Variants in FAM120A observed in about 807,000 individuals in gnomAD.
FAM120A encodes the protein constitutive coactivator of PPAR-gamma-like protein 1.
A neutral mutation model predicts 109.7 loss-of-function variants in FAM120A; 15 were observed. The ratio of observed to expected loss-of-function variants is 0.14; its 90% CI spans 0.09 to 0.21. The LOEUF is 0.21. Ranked by LOEUF, FAM120A falls within the 10% of genes least tolerant of loss-of-function variation. The probability of loss-of-function intolerance (pLI) is 1.00; values close to 1 mark genes in which losing one functional copy is unlikely to be tolerated. For synonymous variants in FAM120A, 493 were observed against 572.8 expected (o/e 0.86, Z 1.99); for missense variants, 899 against 1,439.3 (o/e 0.62, Z 6.07).
At chr9:93,454,210 AT>A (rs1419441647) in intron 1 of FAM120A, among the ~76,000 whole-genome samples, 1 of 152,170 alleles carries the variant, frequency 6.6e-6, no homozygotes, top group African/African-American at 2.4e-5. Flanking sequence ...TTTTGTCTGT[AT>A]TTTGCTTTTG....
chr9:93,507,149 T>G (rs1357754178), intron 5 of FAM120A, among the ~76,000 whole-genome samples: 1 of 151,600 alleles, frequency 6.6e-6, no homozygotes, highest in Non-Finnish European at 1.5e-5. Flanking sequence ...GGGAAAGGAG[T>G]GGGAAACTCT....
intron 10 of FAM120A, among the ~76,000 whole-genome samples, chr9:93,535,180 A>G (rs1861469303): frequency 6.6e-6 from 1 of 152,228 alleles, no homozygotes; most frequent in South Asian, 2.1e-4. Context: ...GTGCGTCAGA[A>G]AATTAAACTT....
intron 8 of FAM120A, among the ~76,000 whole-genome samples, chr9:93,527,611 T>G (rs1861143302): frequency 7.4e-6 from 1 of 134,418 alleles, no homozygotes; most frequent in Non-Finnish European, 1.6e-5. Flanking sequence ...ATTTTTGTAT[T>G]TAATTTTTTT....
At chr9:93,523,554 CATT>C (rs1325565383) in intron 7 of FAM120A, among the ~76,000 whole-genome samples, 1 of 152,280 alleles carries the variant, frequency 6.6e-6, no homozygotes, top group East Asian at 1.9e-4. Context: ...TGATCTATAT[CATT>C]ACGTTGTGTT....
chr9:93,558,605 A>T lies in FAM120A; in HGVS notation c.2693A>T (p.Tyr898Phe), dbSNP rs778720646. ...GGCGTCTGTGGCTTTGGAGGCCCCT[A>T]TGGGGAAACGGTAGCAACAGGCCCT... Reference protein sequence around the residue: ...FAGVCGFGGPYGETVATGPYR... With the variant: ...FAGVCGFGGPFGETVATGPYR... The change falls in exon 15 of 18, where the codon TAT becomes TTT. Residue 898 changes from tyrosine to phenylalanine, a missense_variant. Physicochemically the swap from Tyr to Phe is conservative, Grantham distance 22 (BLOSUM62 3). Around this residue, in one of 11 missense-constraint regions of FAM120A, gnomAD observed 129 missense variants for 153.4 expected, o/e 0.84. Coordinates refer to ENST00000277165, the MANE Select transcript of FAM120A (RefSeq NM_014612.5). 2 of 1,614,124 alleles carry T rather than the reference A, an allele frequency of 1.2e-6. No individual in the cohort carries two copies. Among genetic ancestry groups the T allele is most frequent in the Admixed American group, 1.7e-5 (1 of 60,028 alleles).
chr9:93,455,633 G>A (rs568638248), intron 1 of FAM120A, among the ~76,000 whole-genome samples: 4 of 152,132 alleles, frequency 2.6e-5, no homozygotes, highest in South Asian at 4.2e-4. Flanking sequence ...ATTGGCAGAG[G>A]GGCATAATTT....
At chr9:93,529,237 C>A in intron 8 of FAM120A, 116 bp from the exon 9 acceptor site, 2 of 899,836 alleles carry the variant, frequency 2.2e-6, no homozygotes, top group Non-Finnish European at 1.6e-6. Context: ...CTCTCTAAGA[C>A]AGGACTCATC....
chr9:93,507,938 G>A (rs1860138995), intron 5 of FAM120A, among the ~76,000 whole-genome samples: 1 of 152,146 alleles, frequency 6.6e-6, no homozygotes, highest in Non-Finnish European at 1.5e-5. Context: ...ATAAAGGGGT[G>A]GGGCTTTGAA....
chr9:93,553,002 C>T (rs1022318495), intron 12 of FAM120A, among the ~76,000 whole-genome samples: 1 of 152,194 alleles, frequency 6.6e-6, no homozygotes, highest in Non-Finnish European at 1.5e-5. Context: ...TGGGACAAGA[C>T]ATTGAAACCA....
chr9:93,454,412 T>TG (rs1307166329), intron 1 of FAM120A, among the ~76,000 whole-genome samples: 1 of 151,752 alleles, frequency 6.6e-6, no homozygotes, highest in Non-Finnish European at 1.5e-5. Context: ...TACAGTGATG[T>TG]GGGGGGTTGG....
At chr9:93,555,466 C>CA (rs1446751385) in intron 12 of FAM120A, among the ~76,000 whole-genome samples, 1 of 152,166 alleles carries the variant, frequency 6.6e-6, no homozygotes, top group Non-Finnish European at 1.5e-5. Flanking sequence ...CTTTACCTGC[C>CA]ACATGTAGGC....
At chr9:93,536,443 G>A (rs548239556) in intron 10 of FAM120A, among the ~76,000 whole-genome samples, 44 of 152,212 alleles carry the variant, frequency 2.9e-4, no homozygotes, top group Admixed American at 2.8e-3. Flanking sequence ...CCTTATCTGC[G>A]CAGCTATATA....
At chr9:93,529,831 G>A in intron 9 of FAM120A, 1 of 566,798 alleles carries the variant, frequency 1.8e-6, no homozygotes, top group South Asian at 2.4e-5. Flanking sequence ...TACTTCTAAT[G>A]AAATAATGCA....
intron 3 of FAM120A, among the ~76,000 whole-genome samples, chr9:93,494,087 T>C (rs1283821409): frequency 4.6e-5 from 7 of 152,230 alleles, no homozygotes; most frequent in Admixed American, 3.3e-4. Context: ...GGACTCCTAC[T>C]GAGGCCCCAT....
rs1355141718 is a variant in FAM120A at position 93,532,564 on chromosome 9, A to T, written c.1909+235A>T. On this transcript the variant is annotated intron_variant, in intron 10 of 17. Coordinates refer to ENST00000277165, the MANE Select transcript of FAM120A (RefSeq NM_014612.5). The surrounding 1 kb of genome is among the most constrained non-coding windows in gnomAD (Gnocchi z 4.3). ...AATGATGTTTATTCAGTAAAATAAT[A>T]AAACAGGTTTACACTTTAAAGTGAA... 1.1e-5 allele frequency: 6 copies of T among 528,338 alleles called. No individual in the cohort carries two copies. In the East Asian group the frequency reaches 2.0e-4, roughly 17 times the overall value. 32.7% of individuals were successfully genotyped at this position (528,338 alleles called of 1,614,324 possible). A position where few individuals can be genotyped will look rare whatever the true frequency, so the allele number is the denominator to read the frequency against.
chr9:93,469,128 CTCT>C (rs1458520779), intron 1 of FAM120A, among the ~76,000 whole-genome samples: 1 of 152,234 alleles, frequency 6.6e-6, no homozygotes, highest in African/African-American at 2.4e-5. Flanking sequence ...GTTAGAAAGC[CTCT>C]TCTTGTGAGA....
chr9:93,453,362 C>T (rs1044569563), intron 1 of FAM120A: 5 of 985,430 alleles, frequency 5.1e-6, no homozygotes, highest in Non-Finnish European at 6.0e-6. Context: ...TGAAGATAAG[C>T]ACATCCATGA....
In FAM120A at chr9:93,466,246, T is replaced by C. The variant is rs539622848; in HGVS notation, c.475-4895T>C. ...TTGTATGGTATTATTTGAATTCTTC[T>C]GTAGGGAAAATGTGTCTCTTCCCCC... On this transcript the variant is annotated intron_variant, in intron 1 of 17. Coordinates refer to ENST00000277165, the MANE Select transcript of FAM120A (RefSeq NM_014612.5). Among the ~76,000 whole-genome samples the C allele has an allele frequency of 2.1e-4, 32 of 152,326 alleles. No homozygotes were observed. The South Asian group carries it at 6.6e-3, about 32-fold the overall frequency.
intron 3 of FAM120A, among the ~76,000 whole-genome samples, chr9:93,477,720 C>T (rs1029935078): frequency 6.6e-6 from 1 of 152,190 alleles, no homozygotes; most frequent in Non-Finnish European, 1.5e-5. Context: ...GTGAGATACT[C>T]CCAAGGTTTC....
Sources: allele counts gnomAD v4.1 joint callset (sites outside exome capture counted in the v4.1 genomes callset), GRCh38; gene constraint gnomAD v4.1.1; regional missense constraint gnomAD v4.1.1; non-coding constraint Gnocchi (gnomAD v3.1); transcripts MANE v1.5; gene names NCBI Gene and HGNC (gene_info 2026-07-23, HGNC 2026-07-21).